Variants in CARS2 observed in about 807,000 individuals in gnomAD.
CARS2 encodes cysteinyl-tRNA synthetase 2, mitochondrial, also known as probable cysteine--tRNA ligase, mitochondrial.
A neutral mutation model predicts 68.8 loss-of-function variants in CARS2; 52 were observed. The observed-to-expected ratio is 0.76, with a 90% CI of 0.61 to 0.95. The LOEUF is 0.95. CARS2 is among the 40% of genes least tolerant of loss of function. The probability of loss-of-function intolerance (pLI) is 0.00; values close to 1 mark genes in which losing one functional copy is unlikely to be tolerated. For synonymous variants in CARS2, 314 were observed against 303.6 expected (o/e 1.03, Z -0.36); for missense variants, 780 against 754.2 (o/e 1.03, Z -0.40).
At chr13:110,706,177 C>A, upstream of CARS2, 1 of 987,936 alleles carries the variant, frequency 1.0e-6, no homozygotes, top group Non-Finnish European at 1.3e-6. Flanking sequence ...CACGGCCCCG[C>A]CCCGCCCCGC....
intron 5 of CARS2, among the ~76,000 whole-genome samples, chr13:110,685,482 T>C (rs2063275068): frequency 6.6e-6 from 1 of 152,248 alleles, no homozygotes; most frequent in Non-Finnish European, 1.5e-5. Context: ...CAGTGCTTCA[T>C]GCTTTCTGAC....
chr13:110,663,545 C>T (rs1195785047), intron 8 of CARS2, 27 bp from the exon 9 acceptor site: 6 of 1,611,560 alleles, frequency 3.7e-6, no homozygotes, highest in East Asian at 2.2e-5. Context: ...AGCATTCAGT[C>T]TGAGCTGGGT....
rs544714774 is a variant in CARS2, at chr13:110,649,502, C to T, written c.1054+1532G>A. Among the ~76,000 whole-genome samples, 156 of 152,324 alleles carry T rather than the reference C, an allele frequency of 1.0e-3. 1 individual carries two copies. The highest frequency in any genetic ancestry group is 3.6e-3 in the African/African-American group (151 of 41,578). ...CAGCCCAGGGGCTCACCCAAACCCA[C>T]CAAAGCTTTGTGTGTGACATAAAGT... On this transcript the variant is annotated intron_variant, in intron 10 of 14. Transcript: ENST00000257347.
At chr13:110,684,925 G>A (rs1352496953) in intron 5 of CARS2, among the ~76,000 whole-genome samples, 1 of 152,126 alleles carries the variant, frequency 6.6e-6, no homozygotes, top group Non-Finnish European at 1.5e-5. Context: ...ACTGGGGTTT[G>A]ATTGAATGTA....
Position 110,642,491 on chromosome 13 carries a change from A to T in CARS2, c.1447T>A (p.Leu483Met), listed in dbSNP as rs1173470463. 1 of 1,609,390 alleles carries T rather than the reference A, an allele frequency of 6.2e-7. No homozygotes were observed. The highest frequency in any genetic ancestry group is 1.3e-5 in the African/African-American group (1 of 75,000). The change falls in exon 14 of 15, where the codon TTG becomes ATG. Residue 483 changes from leucine to methionine, a missense_variant. Transcript: ENST00000257347. ...ACCAGCTCGTCCACCACACCATGCA[A>T]GGTAGCCTCGCTGCCGTCTCCTGAA... is the stretch of plus-strand genomic sequence containing the variant. ...YVSGDGSEAT[L>M]HGVVDELVRF...
rs1010276258 is a variant in CARS2 at position 110,641,695 on chromosome 13, C to A, written c.1624-87G>T. On this transcript the variant is annotated intron_variant, in intron 14 of 14. Transcript: ENST00000257347. ...GACAGGCGTAATCAGGTTCAGGGTG[C>A]CTGTTCCCTCACCGGCCTGTCCTAA... 20 of 1,070,128 alleles carry A rather than the reference C, an allele frequency of 1.9e-5. No homozygotes were observed. The African/African-American group carries it at 3.1e-4, about 17-fold the overall frequency. 66.3% of individuals were successfully genotyped at this position (1,070,128 alleles called of 1,614,324 possible). A position where few individuals can be genotyped will look rare whatever the true frequency, so the allele number is the denominator to read the frequency against.
intron 1 of CARS2, chr13:110,712,673 T>G (rs1166321856): frequency 3.1e-6 from 2 of 650,314 alleles, no homozygotes; most frequent in South Asian, 3.1e-5. Flanking sequence ...CTGAATGGCC[T>G]CAGGACGCCG....
At chr13:110,661,442 C>A (rs968627804) in intron 9 of CARS2, among the ~76,000 whole-genome samples, 1 of 152,232 alleles carries the variant, frequency 6.6e-6, no homozygotes, top group African/African-American at 2.4e-5. Context: ...CTGTGGCTTA[C>A]AGGAATGTTG....
chr13:110,669,427 T>C (rs2062741088), intron 7 of CARS2, among the ~76,000 whole-genome samples: 1 of 152,218 alleles, frequency 6.6e-6, no homozygotes, highest in South Asian at 2.1e-4. Flanking sequence ...ACTGGATTTA[T>C]CCATCTGAAA....
chr13:110,654,368 A>G (rs1454113661), intron 9 of CARS2, among the ~76,000 whole-genome samples: 1 of 152,216 alleles, frequency 6.6e-6, no homozygotes, highest in African/African-American at 2.4e-5. Context: ...CCAGGCTATC[A>G]TAAAGGTCTA....
In CARS2 at chr13:110,642,393, C is replaced by T. The variant is rs994699107; in HGVS notation, c.1545G>A (p.Gln515=). The part of the protein sequence containing the change: ...PEATGDARRQ[Q]LLERQPLLEA... ...CCAGCAGGGGCTGCCTTTCTAGGAG[C>T]TGCTGCCGCCGGGCGTCCCCCGTGG... Residue 515 remains glutamine (Q), a synonymous_variant, in exon 14 of 15, where the codon CAG becomes CAA. Transcript: ENST00000257347. The T allele has an allele frequency of 2.5e-6, 4 of 1,571,106 alleles. No individual in the cohort carries two copies. Among genetic ancestry groups the T allele is most frequent in the South Asian group, 2.3e-5 (2 of 86,072 alleles).
intron 9 of CARS2, among the ~76,000 whole-genome samples, chr13:110,659,067 T>C (rs1170293717): frequency 1.3e-5 from 2 of 152,220 alleles, no homozygotes; most frequent in Non-Finnish European, 2.9e-5. Flanking sequence ...AGTGTGATGA[T>C]GTCTTCAATG....
At chr13:110,689,265 C>T (rs1230209462) in intron 3 of CARS2, among the ~76,000 whole-genome samples, 1 of 152,252 alleles carries the variant, frequency 6.6e-6, no homozygotes, top group Non-Finnish European at 1.5e-5. Flanking sequence ...GGCCTTTGGG[C>T]CTCCCAAGCA....
intron 5 of CARS2, 39 bp from the exon 6 acceptor site, chr13:110,683,173 T>C (rs1003533980): frequency 1.0e-5 from 14 of 1,376,898 alleles, no homozygotes; most frequent in Non-Finnish European, 1.4e-5. Context: ...CACTTCTCAG[T>C]CTGAATATCA....
intron 13 of CARS2, 30 bp from the exon 14 acceptor site, chr13:110,642,551 C>T: frequency 6.3e-7 from 1 of 1,593,772 alleles, no homozygotes; most frequent in Non-Finnish European, 8.5e-7. Context: ...GTTACGTCCC[C>T]CGGAGACTGT....
rs910329837 is a variant in CARS2, at chr13:110,670,747, G to A, written c.786-3274C>T. 2.6e-5 allele frequency among the ~76,000 whole-genome samples: 4 copies of A among 151,958 alleles called. No homozygotes were observed. Among genetic ancestry groups the A allele is most frequent in the African/African-American group, 9.7e-5 (4 of 41,406 alleles). ...TGAGAGAAGAAGGCTTCAGACGATCGGTAATAACAAACTTCTCCGAGCTAA... is the reference window on the plus strand; with the variant it reads ...TGAGAGAAGAAGGCTTCAGACGATCAGTAATAACAAACTTCTCCGAGCTAA... On this transcript the variant is annotated intron_variant, in intron 7 of 14. Transcript: ENST00000257347. The surrounding 1 kb of genome is among the most constrained non-coding windows in gnomAD (Gnocchi z 4.1).
At chr13:110,712,775 T>G in intron 1 of CARS2, 2 of 713,794 alleles carry the variant, frequency 2.8e-6, no homozygotes, top group East Asian at 2.7e-5. Flanking sequence ...CGGGAAGAGA[T>G]AAGGCCTAGG....
At position 110,647,102 on chromosome 13, in the gene CARS2, T is replaced by C; in HGVS notation, c.1192A>G (p.Arg398Gly). The C allele has an allele frequency of 6.3e-7, 1 of 1,581,196 alleles. No homozygotes were observed. The highest frequency in any genetic ancestry group is 8.6e-7 in the Non-Finnish European group (1 of 1,164,126). Reference sequence around the variant, plus strand: ...CCGGGTGCTAGGCGGGCCTCTTACCTCTCCCACAGCATCGCTTCCCTGACG... The same window carrying C: ...CCGGGTGCTAGGCGGGCCTCTTACCCCTCCCACAGCATCGCTTCCCTGACG... ...GSVREAMLWE[R>G]LSSTKRAVKA... Residue 398 changes from arginine (R) to glycine (G), a missense_variant and splice_region_variant, in exon 11 of 15, where the codon AGG becomes GGG. Coordinates refer to ENST00000257347, the MANE Select transcript of CARS2 (RefSeq NM_024537.4).
At chr13:110,687,220 C>T (rs1401533586) in intron 5 of CARS2, among the ~76,000 whole-genome samples, 1 of 152,156 alleles carries the variant, frequency 6.6e-6, no homozygotes, top group Non-Finnish European at 1.5e-5. Context: ...ATATTTAGAA[C>T]TAATTCAACC....
Sources: allele counts gnomAD v4.1 joint callset (sites outside exome capture counted in the v4.1 genomes callset), GRCh38; gene constraint gnomAD v4.1.1; non-coding constraint Gnocchi (gnomAD v3.1); transcripts MANE v1.5; gene names NCBI Gene and HGNC (gene_info 2026-07-23, HGNC 2026-07-21).